L2HGDH: variants seen among roughly 807,000 people sequenced by gnomAD.
L2HGDH encodes L-2-hydroxyglutarate dehydrogenase, also known as L-2-hydroxyglutarate dehydrogenase, mitochondrial.
Under a neutral mutation model 51.5 loss-of-function variants are expected in L2HGDH, and 34 were observed. That is an observed-to-expected ratio of 0.66 (90% CI 0.50 to 0.88). L2HGDH has a LOEUF of 0.88. Among genes scored for constraint, L2HGDH ranks in the 40% least tolerant of loss-of-function variants. The probability of loss-of-function intolerance (pLI) is 0.00; values close to 1 mark genes in which losing one functional copy is unlikely to be tolerated. For synonymous variants in L2HGDH, 198 were observed against 197.9 expected, an observed-to-expected ratio of 1.00 and a Z score of -0.01; for missense variants, 558 against 571.9, an observed-to-expected ratio of 0.98 and a Z score of 0.25.
intron 6 of L2HGDH, among the ~76,000 whole-genome samples, chr14:50,277,762 G>C (rs1211321083): frequency 6.9e-6 from 1 of 144,848 alleles, no homozygotes; most frequent in African/African-American, 2.6e-5. Context: ...GACACAGTGA[G>C]ACTCCGTCTC....
chr14:50,256,352 AAT>A (rs1327139876), intron 9 of L2HGDH, among the ~76,000 whole-genome samples: 4 of 111,816 alleles, frequency 3.6e-5, no homozygotes, highest in Non-Finnish European at 7.8e-5. Context: ...CTGTCTCTAA[AAT>A]AATAATAACT....
chr14:50,297,373 C>T (rs1307169538), intron 3 of L2HGDH, among the ~76,000 whole-genome samples: 1 of 150,766 alleles, frequency 6.6e-6, no homozygotes, highest in Admixed American at 6.6e-5. Context: ...AATTCATAGA[C>T]ACACACACAC....
rs550371533 is a variant in L2HGDH, at chr14:50,286,719, T to C, written c.541-2686A>G. Among the ~76,000 whole-genome samples the C allele has an allele frequency of 2.6e-5, 4 of 152,344 alleles. No individual in the cohort carries two copies. The East Asian group carries it at 5.8e-4, about 22-fold the overall frequency. ...TCATATAAAGTATATATCACTTCTG[T>C]GGAGGCCTCAGAGAGAAGCAGAATA... On this transcript the variant is annotated intron_variant, in intron 4 of 9. Coordinates refer to ENST00000267436, the MANE Select transcript of L2HGDH (RefSeq NM_024884.3).
intron 1 of L2HGDH, chr14:50,311,213 TCTTCTTAAAACCCTTTTAAATAG>T: frequency 2.5e-6 from 1 of 392,824 alleles, no homozygotes; most frequent in Non-Finnish European, 5.1e-6. Flanking sequence ...AAGCGTAGCC[TCTTCTTAAAACCCTTTTAAATAG>T]CTTCCCGTGG....
At chr14:50,268,238 G>GC (rs1454115742) in intron 7 of L2HGDH, among the ~76,000 whole-genome samples, 1 of 151,986 alleles carries the variant, frequency 6.6e-6, no homozygotes, top group Non-Finnish European at 1.5e-5. Context: ...AATTAGCCTG[G>GC]CGTGGTGGTG....
rs1268911255 is a variant in L2HGDH, at chr14:50,243,214, G to A, written c.*3844C>T. ...TGTATGGATAAAAGAGTTAAGCTAC[G>A]TAACATGAAACACCAAAAATATACT... On this transcript the variant is annotated 3_prime_UTR_variant, in exon 10 of 10. Coordinates refer to ENST00000267436, the MANE Select transcript of L2HGDH (RefSeq NM_024884.3). 8.1e-6 allele frequency: 8 copies of A among 985,208 alleles called. No individual in the cohort carries two copies. The highest frequency in any genetic ancestry group is 6.2e-5 in the Admixed American group (1 of 16,246). 61.0% of individuals were successfully genotyped at this position (985,208 alleles called of 1,614,324 possible). A position where few individuals can be genotyped will look rare whatever the true frequency, so the allele number is the denominator to read the frequency against.
At chr14:50,307,810 A>G (rs1468886928) in intron 1 of L2HGDH, among the ~76,000 whole-genome samples, 1 of 152,184 alleles carries the variant, frequency 6.6e-6, no homozygotes, top group Non-Finnish European at 1.5e-5. Context: ...ACACACTACC[A>G]TTATAGTTAA....
intron 3 of L2HGDH, among the ~76,000 whole-genome samples, chr14:50,298,313 T>G (rs901577412): frequency 1.3e-5 from 2 of 149,920 alleles, no homozygotes; most frequent in Admixed American, 6.7e-5. Context: ...GAGGTTGAGG[T>G]GGGAGGACTT....
chr14:50,277,826 A>ATCATC (rs1566520790), intron 6 of L2HGDH, among the ~76,000 whole-genome samples: 2 of 135,936 alleles, frequency 1.5e-5, no homozygotes, highest in African/African-American at 5.3e-5. Context: ...TAATAATAAT[A>ATCATC]ATCTGGTGGC....
chr14:50,293,013 G>A (rs2029868066), intron 4 of L2HGDH, among the ~76,000 whole-genome samples: 1 of 152,176 alleles, frequency 6.6e-6, no homozygotes. Flanking sequence ...GCAATATGGT[G>A]AGACTCTGTC....
At chr14:50,266,305 G>C (rs188782223) in intron 8 of L2HGDH, among the ~76,000 whole-genome samples, 1 of 152,016 alleles carries the variant, frequency 6.6e-6, no homozygotes, top group South Asian at 2.1e-4. Flanking sequence ...GAAAGAAATG[G>C]GACATCTACC....
chr14:50,274,434 T>A (rs897870823), intron 6 of L2HGDH, among the ~76,000 whole-genome samples: 1 of 152,184 alleles, frequency 6.6e-6, no homozygotes, highest in Admixed American at 6.5e-5. Context: ...TCACATCTAT[T>A]AGGATGGCTA....
At chr14:50,289,065 C>T (rs1890723408) in intron 4 of L2HGDH, among the ~76,000 whole-genome samples, 1 of 152,088 alleles carries the variant, frequency 6.6e-6, no homozygotes, top group African/African-American at 2.4e-5. Flanking sequence ...AAAAATTGAG[C>T]AAAAAGTTCA....
chr14:50,255,537 CAAAA>C (rs371804551), intron 9 of L2HGDH, among the ~76,000 whole-genome samples: 1 of 114,824 alleles, frequency 8.7e-6, no homozygotes, highest in Admixed American at 9.7e-5. Flanking sequence ...ACTCCATCTC[CAAAA>C]AAAAAAAAAA....
At chr14:50,252,887 C>T (rs1408206074) in intron 9 of L2HGDH, among the ~76,000 whole-genome samples, 4 of 151,938 alleles carry the variant, frequency 2.6e-5, no homozygotes, top group Non-Finnish European at 4.4e-5. Context: ...CCAGGCAGAA[C>T]CTCGACAAAG....
chr14:50,305,235 C>A (rs1431867509), intron 1 of L2HGDH, among the ~76,000 whole-genome samples: 1 of 152,166 alleles, frequency 6.6e-6, no homozygotes, highest in Non-Finnish European at 1.5e-5. Context: ...TGATGCTCAG[C>A]AGGTGGTTCT....
At chr14:50,311,169 T>C (rs1468662969) in intron 1 of L2HGDH, 5 of 354,492 alleles carry the variant, frequency 1.4e-5, no homozygotes, top group Admixed American at 1.1e-4. Flanking sequence ...CTCCAACTTC[T>C]GACCTCAGGC....
chr14:50,269,275 C>G lies in L2HGDH; in HGVS notation c.794G>C (p.Arg265Pro). 6.2e-7 allele frequency: 1 copy of G among 1,613,888 alleles called. No homozygotes were observed. The highest frequency in any genetic ancestry group is 8.5e-7 in the Non-Finnish European group (1 of 1,179,836). ...VVTCAGLYSDRISELSGCTPD... is the reference protein window; with the variant it reads ...VVTCAGLYSDPISELSGCTPD... ...AGTGCAGCCACTCAACTCTGAAATA[C>G]GGTCTGAGTAAAGTCCTGCACATGT... The change falls in exon 7 of 10, where the codon CGT becomes CCT. Residue 265 changes from arginine (R) to proline (P), a missense_variant. Physicochemically the swap from Arg to Pro is moderately radical, Grantham distance 103 (BLOSUM62 -2). Transcript: ENST00000267436.
At chr14:50,256,007 A>G (rs943524992) in intron 9 of L2HGDH, among the ~76,000 whole-genome samples, 4 of 152,150 alleles carry the variant, frequency 2.6e-5, no homozygotes, top group African/African-American at 9.7e-5. Context: ...CGTCTCAAAA[A>G]AAGAAAAAAA....
Sources: gnomAD v4.1 joint callset for allele counts (sites outside exome capture counted in the v4.1 genomes callset) on GRCh38, gnomAD v4.1.1 for gene constraint, MANE v1.5 for transcripts, NCBI Gene and HGNC (gene_info 2026-07-23, HGNC 2026-07-21) for gene names.